Variants in CLIP1 observed in about 807,000 individuals in gnomAD.
The protein encoded by CLIP1 is CAP-Gly domain containing linker protein 1, also known as CAP-Gly domain-containing linker protein 1.
Under a neutral mutation model 161.6 loss-of-function variants are expected in CLIP1, and 66 were observed. The ratio of observed to expected loss-of-function variants is 0.41; its 90% CI spans 0.33 to 0.50. CLIP1 has a LOEUF of 0.50. Ranked by LOEUF, CLIP1 falls within the 20% of genes least tolerant of loss-of-function variation. CLIP1 has a pLI of 0.27. For synonymous variants in CLIP1, 598 were observed against 626.2 expected (o/e 0.96, Z 0.67); for missense variants, 1,376 against 1,702.0 (o/e 0.81, Z 3.37).
At chr12:122,383,667 C>A (rs1955109867) in intron 1 of CLIP1, among the ~76,000 whole-genome samples, 2 of 152,146 alleles carry the variant, frequency 1.3e-5, no homozygotes, top group African/African-American at 4.8e-5. Flanking sequence ...TTTATAATTT[C>A]TTTTTCATGC....
rs1040943630 is a variant in CLIP1 at position 122,274,002 on chromosome 12, G to A, written c.4091+36C>T. 3.7e-6 allele frequency: 6 copies of A among 1,603,370 alleles called. No homozygotes were observed. In the African/African-American group the frequency reaches 8.0e-5, roughly 21 times the overall value. On this transcript the variant is annotated intron_variant, in intron 25 of 25. Transcript: ENST00000620786. The stretch of plus-strand genomic sequence containing the variant: ...CCCGCCTCGGCCTCCCAAAGTGCTG[G>A]GATTATAGCAATCAGTATGTCTTCA...
chr12:122,278,967 G>T (rs759653407), intron 22 of CLIP1, 25 bp from the exon 23 acceptor site: 1 of 1,606,050 alleles, frequency 6.2e-7, no homozygotes, highest in East Asian at 2.2e-5. Flanking sequence ...TTTAGCTTAG[G>T]CTGAGGGTTT....
At chr12:122,392,239 C>A (rs2136985054) in intron 1 of CLIP1, among the ~76,000 whole-genome samples, 1 of 152,294 alleles carries the variant, frequency 6.6e-6, no homozygotes, top group South Asian at 2.1e-4. Context: ...CGACTGCACT[C>A]CAGCCTGGGC....
At chr12:122,332,226 C>T (rs1198308807) in intron 15 of CLIP1, among the ~76,000 whole-genome samples, 3 of 146,210 alleles carry the variant, frequency 2.1e-5, no homozygotes, top group African/African-American at 5.1e-5. Context: ...ACCCAGGAGG[C>T]GGAGGTTGTG....
rs767710331 is a variant in CLIP1, at chr12:122,334,105, C to T, written c.2632G>A (p.Val878Ile). ...VSVQRSMQET[V>I]NKLHQKEEQF... The stretch of plus-strand genomic sequence containing the variant: ...TCCTCCTTTTGGTGTAACTTATTTA[C>T]AGTTTCTATTTAGGATAAAAGTTAG... The change falls in exon 14 of 26, where the codon GTA (valine) becomes ATA (isoleucine). Residue 878 changes from valine to isoleucine, a missense_variant. By Grantham distance (29) the Val-to-Ile change is conservative. Around this residue, in one of 6 missense-constraint regions of CLIP1, gnomAD observed 948 missense variants for 1,134.8 expected, o/e 0.84. Coordinates refer to ENST00000620786, the MANE Select transcript of CLIP1 (RefSeq NM_001247997.2). 1.9e-6 allele frequency: 3 copies of T among 1,600,896 alleles called. No homozygotes were observed. The highest frequency in any genetic ancestry group is 1.3e-5 in the African/African-American group (1 of 74,820).
intron 24 of CLIP1, chr12:122,277,846 AG>A: frequency 1.2e-5 from 3 of 253,100 alleles, no homozygotes; most frequent in Admixed American, 5.0e-5. Context: ...AAAAAAAAAA[AG>A]GGAGGGAAGA....
intron 11 of CLIP1, among the ~76,000 whole-genome samples, chr12:122,338,035 C>A (rs926490148): frequency 4.0e-5 from 6 of 150,686 alleles, no homozygotes; most frequent in African/African-American, 7.3e-5. Flanking sequence ...AAAACAAAAC[C>A]AAAACCAAAA....
chr12:122,363,933 C>A (rs755387491), intron 4 of CLIP1, 50 bp downstream of exon 4: 5 of 1,611,928 alleles, frequency 3.1e-6, no homozygotes, highest in Non-Finnish European at 3.4e-6. Context: ...CTGGCCTGAG[C>A]ATCGTCACGT....
At chr12:122,340,631 G>A (rs991494276) in intron 11 of CLIP1, 122 bp downstream of exon 11, 111 of 739,008 alleles carry the variant, frequency 1.5e-4, no homozygotes, top group Non-Finnish European at 2.2e-4. Flanking sequence ...CTCAACTGGG[G>A]ACATCAAGCA....
intron 21 of CLIP1, among the ~76,000 whole-genome samples, chr12:122,283,244 C>T (rs920119026): frequency 2.0e-5 from 3 of 152,062 alleles, no homozygotes; most frequent in Non-Finnish European, 4.4e-5. Flanking sequence ...CCTGCTTTAC[C>T]CATTAGACTC....
intron 1 of CLIP1, among the ~76,000 whole-genome samples, chr12:122,417,312 C>T (rs1956789542): frequency 6.6e-6 from 1 of 151,312 alleles, no homozygotes; most frequent in South Asian, 2.1e-4. Flanking sequence ...CAAAACAAAA[C>T]AAAACAAAAC....
At chr12:122,320,265 C>CAA (rs111643965) in intron 17 of CLIP1, among the ~76,000 whole-genome samples, 74 of 94,584 alleles carry the variant, frequency 7.8e-4, no homozygotes, top group Middle Eastern at 8.1e-3. Context: ...GACTCCGTCT[C>CAA]AAAAAAAAAA....
rs983359016 is a variant in CLIP1, at chr12:122,311,924, G to A, written c.3474-2042C>T. Among the ~76,000 whole-genome samples the A allele has an allele frequency of 6.6e-6, 1 of 152,214 alleles. No homozygotes were observed. ...CTACAGCTGGCAGATGACTTCAGTC[G>A]TGGTTCAGATATAGAGCACTTTGTT... On this transcript the variant is annotated intron_variant, in intron 19 of 25. Transcript: ENST00000620786. This position sits in a 1 kb window ranked among gnomAD's most constrained non-coding sequence, Gnocchi z 4.3.
At chr12:122,326,909 G>A (rs1314337199) in intron 17 of CLIP1, among the ~76,000 whole-genome samples, 2 of 152,120 alleles carry the variant, frequency 1.3e-5, no homozygotes, top group Non-Finnish European at 2.9e-5. Context: ...GTAGAAGAGG[G>A]AGAATATGGG....
At chr12:122,322,362 G>C (rs1951541701) in intron 17 of CLIP1, 1 of 152,608 alleles carries the variant, frequency 6.6e-6, no homozygotes, top group Non-Finnish European at 1.5e-5. Flanking sequence ...TGGTTGTCTT[G>C]CATCACCTGG....
At chr12:122,297,684 G>A (rs945346874) in intron 20 of CLIP1, among the ~76,000 whole-genome samples, 18 of 152,158 alleles carry the variant, frequency 1.2e-4, no homozygotes, top group Admixed American at 9.2e-4. Flanking sequence ...CCCACACACC[G>A]ACTTCTGCTC....
rs1469498491 is a variant in CLIP1 at position 122,377,891 on chromosome 12, T to A, written c.155A>T (p.Glu52Val). 6.2e-7 allele frequency: 1 copy of A among 1,613,964 alleles called. No individual in the cohort carries two copies. Among genetic ancestry groups the A allele is most frequent in the African/African-American group, 1.3e-5 (1 of 74,986 alleles). ...ASSTPSSETQ[E>V]EFVDDFRVGE... is the part of the protein sequence containing the mutation. ...AACTCGAAAGTCATCCACAAATTCCTCCTGAGTCTCAGATGATGGAGTGCT... is the reference window on the plus strand; with the variant it reads ...AACTCGAAAGTCATCCACAAATTCCACCTGAGTCTCAGATGATGGAGTGCT... Residue 52 changes from glutamate to valine, a missense_variant, in exon 3 of 26, where the codon GAG (glutamate) becomes GTG (valine). Glu to Val is a moderately radical substitution (Grantham distance 121). Around this residue, in one of 6 missense-constraint regions of CLIP1, gnomAD observed 66 missense variants for 67.8 expected, o/e 0.97. Coordinates refer to ENST00000620786, the MANE Select transcript of CLIP1 (RefSeq NM_001247997.2).
At chr12:122,412,872 G>A (rs1956594789) in intron 1 of CLIP1, among the ~76,000 whole-genome samples, 1 of 151,920 alleles carries the variant, frequency 6.6e-6, no homozygotes, top group South Asian at 2.1e-4. Flanking sequence ...ATAAACCTGA[G>A]ACCCTAAAAA....
At chr12:122,376,375 G>A (rs1954734216) in intron 3 of CLIP1, among the ~76,000 whole-genome samples, 1 of 152,104 alleles carries the variant, frequency 6.6e-6, no homozygotes, top group Admixed American at 6.6e-5. Context: ...CTATTTACAA[G>A]TTCCTTGTTA....
Sources: gnomAD v4.1 joint callset for allele counts (sites outside exome capture counted in the v4.1 genomes callset) on GRCh38, gnomAD v4.1.1 for gene constraint, gnomAD v4.1.1 regional missense constraint, Gnocchi (gnomAD v3.1) non-coding constraint, MANE v1.5 for transcripts, NCBI Gene and HGNC (gene_info 2026-07-23, HGNC 2026-07-21) for gene names.